The following SLIT3 variants were observed in gnomAD, a reference collection of about 807,000 sequenced individuals.
SLIT3 encodes the protein slit guidance ligand 3, also known as slit homolog 3 protein.
Under a neutral mutation model 184.0 loss-of-function variants are expected in SLIT3, and 68 were observed. The ratio of observed to expected loss-of-function variants is 0.37; its 90% CI spans 0.30 to 0.45. The LOEUF (loss-of-function observed/expected upper bound fraction) is 0.45. Among genes scored for constraint, SLIT3 ranks in the 20% least tolerant of loss-of-function variants. The probability of loss-of-function intolerance (pLI) is 1.00; values close to 1 mark genes in which losing one functional copy is unlikely to be tolerated. For synonymous variants in SLIT3, 831 were observed against 828.6 expected (o/e 1.00, Z -0.05); for missense variants, 1,707 against 2,026.0 (o/e 0.84, Z 3.02).
chr5:169,229,526 T>C (rs1233031011), intron 3 of SLIT3, among the ~76,000 whole-genome samples: 2 of 152,232 alleles, frequency 1.3e-5, no homozygotes, highest in African/African-American at 4.8e-5. Context: ...CAGCTTCTGA[T>C]GGGAGAACAG....
chr5:168,825,172 T>A (rs1241693942), intron 6 of SLIT3, among the ~76,000 whole-genome samples: 2 of 152,180 alleles, frequency 1.3e-5, no homozygotes, highest in African/African-American at 4.8e-5. Context: ...GGCCACTATG[T>A]TACTGACATT....
At chr5:168,687,601 G>A (rs1302668072) in intron 29 of SLIT3, among the ~76,000 whole-genome samples, 2 of 152,138 alleles carry the variant, frequency 1.3e-5, no homozygotes, top group African/African-American at 2.4e-5. Context: ...TTACACTTGC[G>A]TGTCATAAAC....
At chr5:169,126,546 A>G (rs766574563) in intron 4 of SLIT3, among the ~76,000 whole-genome samples, 3 of 152,228 alleles carry the variant, frequency 2.0e-5, no homozygotes, top group Non-Finnish European at 4.4e-5. Context: ...TTAGACCTGG[A>G]CTGGGTGGCC....
intron 4 of SLIT3, among the ~76,000 whole-genome samples, chr5:169,133,409 T>C (rs1761375972): frequency 6.6e-6 from 1 of 152,210 alleles, no homozygotes; most frequent in African/African-American, 2.4e-5. Flanking sequence ...CTACAGCCCA[T>C]AGCCGTTGAG....
chr5:168,840,845 T>A (rs553722000), intron 6 of SLIT3, among the ~76,000 whole-genome samples: 1 of 152,192 alleles, frequency 6.6e-6, no homozygotes, highest in South Asian at 2.1e-4. Context: ...AACTGTGGAG[T>A]GCCAAAGTCT....
At chr5:169,168,126 G>A (rs1393895405) in intron 4 of SLIT3, among the ~76,000 whole-genome samples, 1 of 152,114 alleles carries the variant, frequency 6.6e-6, no homozygotes, top group Non-Finnish European at 1.5e-5. Context: ...TACACCGTAG[G>A]TCAACAGAAC....
intron 4 of SLIT3, among the ~76,000 whole-genome samples, chr5:168,893,581 A>G (rs1760552974): frequency 1.3e-5 from 2 of 152,158 alleles, no homozygotes; most frequent in African/African-American, 4.8e-5. Flanking sequence ...GGAGCCAAGC[A>G]TTTGCTGATT....
At chr5:168,876,771 A>C (rs1057152132) in intron 5 of SLIT3, among the ~76,000 whole-genome samples, 183 of 152,308 alleles carry the variant, frequency 1.2e-3, no homozygotes, top group African/African-American at 4.1e-3. Flanking sequence ...TAGTAAACTT[A>C]ATTTTGTCAT....
At chr5:169,076,379 T>C (rs1581380175) in intron 4 of SLIT3, among the ~76,000 whole-genome samples, 1 of 152,242 alleles carries the variant, frequency 6.6e-6, no homozygotes, top group East Asian at 1.9e-4. Context: ...ATTAGTAAAA[T>C]GAGTGACTTC....
rs1246163909 is a variant in SLIT3, at chr5:168,722,285, G to A, written c.2454C>T (p.Ala818=). 6.2e-7 allele frequency: 1 copy of A among 1,614,178 alleles called. No individual in the cohort carries two copies. Among genetic ancestry groups the A allele is most frequent in the Non-Finnish European group, 8.5e-7 (1 of 1,180,016 alleles). The change falls in exon 23 of 36, where the codon GCC becomes GCT. Residue 818 remains alanine, a synonymous_variant. Coordinates refer to ENST00000519560, the MANE Select transcript of SLIT3 (RefSeq NM_003062.4). ...YNRLRCIPVH[A]FNGLRSLRVL... ...CTCGCAGGGACCGCAGCCCGTTGAA[G>A]GCGTGGACGGGGATGCACCTCAGCC...
chr5:168,970,760 A>G (rs184740214), intron 4 of SLIT3, among the ~76,000 whole-genome samples: 78 of 152,250 alleles, frequency 5.1e-4, no homozygotes, highest in African/African-American at 1.8e-3. Context: ...TTCTTACTAT[A>G]AAGAGCCCAG....
intron 4 of SLIT3, among the ~76,000 whole-genome samples, chr5:168,936,988 G>A (rs1384996168): frequency 3.9e-5 from 6 of 152,164 alleles, no homozygotes; most frequent in Non-Finnish European, 4.4e-5. Context: ...TGCAATCAAA[G>A]TGAGTTTATC....
intron 4 of SLIT3, among the ~76,000 whole-genome samples, chr5:169,111,819 T>C (rs916601867): frequency 1.3e-4 from 20 of 152,174 alleles, no homozygotes; most frequent in Non-Finnish European, 2.4e-4. Context: ...ATGTGACCAG[T>C]GTGTACTGCA....
chr5:168,802,308 C>G (rs1210321641), intron 9 of SLIT3, among the ~76,000 whole-genome samples: 1 of 152,118 alleles, frequency 6.6e-6, no homozygotes, highest in Non-Finnish European at 1.5e-5. Context: ...TTTAGGCCAT[C>G]ACACAGGTCC....
chr5:168,753,139 T>C (rs181417143), intron 17 of SLIT3, 41 bp from the exon 18 acceptor site: 1 of 1,608,402 alleles, frequency 6.2e-7, no homozygotes, highest in East Asian at 2.2e-5. Flanking sequence ...ACAGGCATGA[T>C]CTTTTCTGTC....
At chr5:168,794,304 C>T (rs1756489411) in intron 10 of SLIT3, among the ~76,000 whole-genome samples, 2 of 152,092 alleles carry the variant, frequency 1.3e-5, no homozygotes, top group South Asian at 4.1e-4. Context: ...GGTTACTGGG[C>T]TCTACTAAAT....
At chr5:168,875,088 GAAAGAAGGGAGGAAGCGGGGGAGA>G (rs1394379472) in intron 5 of SLIT3, among the ~76,000 whole-genome samples, 17 of 149,898 alleles carry the variant, frequency 1.1e-4, no homozygotes, top group East Asian at 4.0e-4. Context: ...AGAGGGGGAG[GAAAGAAGGGAGGAAGCGGGGGAGA>G]AAAGGAGGGA....
intron 9 of SLIT3, among the ~76,000 whole-genome samples, chr5:168,802,300 T>C (rs918240548): frequency 1.2e-4 from 18 of 152,172 alleles, no homozygotes; most frequent in Middle Eastern, 3.4e-3. Flanking sequence ...AGAAGACTTT[T>C]AGGCCATCAC....
At chr5:169,065,703 T>C (rs1194429755) in intron 4 of SLIT3, among the ~76,000 whole-genome samples, 1 of 152,164 alleles carries the variant, frequency 6.6e-6, no homozygotes, top group African/African-American at 2.4e-5. Flanking sequence ...GAGGGCAAGA[T>C]CTCTGCAAAT....
Sources: gnomAD v4.1 joint callset for allele counts (sites outside exome capture counted in the v4.1 genomes callset) on GRCh38, gnomAD v4.1.1 for gene constraint, MANE v1.5 for transcripts, NCBI Gene and HGNC (gene_info 2026-07-23, HGNC 2026-07-21) for gene names.